The following CCDC7 variants were observed in gnomAD, a reference collection of about 807,000 sequenced individuals.
CCDC7 encodes coiled-coil domain containing 7.
In CCDC7, 183 loss-of-function variants were observed where a neutral mutation model predicts 196.9. The ratio of observed to expected loss-of-function variants is 0.93; its 90% CI spans 0.82 to 1.05. CCDC7 has a LOEUF of 1.05. CCDC7 is among the 50% of genes least tolerant of loss of function. The pLI is 0.00. For synonymous variants in CCDC7, 525 were observed against 484.6 expected (o/e 1.08, Z -1.10); for missense variants, 1,540 against 1,482.2 (o/e 1.04, Z -0.64).
chr10:32,722,343 A>T (rs967232558), intron 25 of CCDC7, among the ~76,000 whole-genome samples: 4 of 152,134 alleles, frequency 2.6e-5, no homozygotes, highest in African/African-American at 9.7e-5. Context: ...GGACCCATGC[A>T]TACTTTGTTA....
intron 8 of CCDC7, among the ~76,000 whole-genome samples, chr10:32,485,638 C>G (rs1284511800): frequency 6.6e-6 from 1 of 152,176 alleles, no homozygotes; most frequent in Non-Finnish European, 1.5e-5. Flanking sequence ...GCATTTAGTG[C>G]TATAAATTTC....
chr10:32,579,266 A>C (rs957806965), intron 16 of CCDC7, among the ~76,000 whole-genome samples: 8 of 151,976 alleles, frequency 5.3e-5, no homozygotes, highest in African/African-American at 1.9e-4. Flanking sequence ...ACAGACTAGC[A>C]TTGCATAGTG....
chr10:32,496,375 T>G (rs2042916762), intron 9 of CCDC7, among the ~76,000 whole-genome samples: 1 of 152,212 alleles, frequency 6.6e-6, no homozygotes, highest in Non-Finnish European at 1.5e-5. Flanking sequence ...TACACTTTAT[T>G]TCTTTCTCTT....
At chr10:32,500,306 C>T (rs1050637687) in intron 9 of CCDC7, among the ~76,000 whole-genome samples, 8 of 151,282 alleles carry the variant, frequency 5.3e-5, no homozygotes, top group African/African-American at 9.7e-5. Context: ...AGCTGCTGGG[C>T]GGAGGGGCTC....
intron 28 of CCDC7, among the ~76,000 whole-genome samples, chr10:32,751,561 A>G (rs1295621166): frequency 1.3e-5 from 2 of 152,188 alleles, no homozygotes; most frequent in Admixed American, 1.3e-4. Flanking sequence ...CATATGTGAT[A>G]TGAGATTGGT....
intron 20 of CCDC7, among the ~76,000 whole-genome samples, chr10:32,643,882 T>C (rs115384320): frequency 2.1e-5 from 3 of 142,738 alleles, no homozygotes; most frequent in African/African-American, 9.0e-5. Flanking sequence ...TTTTCAAAAT[T>C]ATTTTGAAAA....
chr10:32,769,888 C>T (rs1379150044), intron 28 of CCDC7, among the ~76,000 whole-genome samples: 2 of 152,150 alleles, frequency 1.3e-5, no homozygotes, highest in African/African-American at 4.8e-5. Context: ...CATTGATGGG[C>T]ATTTGGGTTT....
chr10:32,469,101 A>G (rs1327936854), intron 5 of CCDC7, among the ~76,000 whole-genome samples: 1 of 152,188 alleles, frequency 6.6e-6, no homozygotes, highest in Non-Finnish European at 1.5e-5. Context: ...CTGTGCCTTT[A>G]TCTTTTTTCC....
intron 28 of CCDC7, among the ~76,000 whole-genome samples, chr10:32,754,977 GC>G (rs1279886001): frequency 6.6e-6 from 1 of 152,082 alleles, no homozygotes; most frequent in Non-Finnish European, 1.5e-5. Flanking sequence ...TATATCCCGC[GC>G]TGGCTTGGAG....
At chr10:32,569,933 G>A (rs968628060) in intron 15 of CCDC7, among the ~76,000 whole-genome samples, 3 of 152,068 alleles carry the variant, frequency 2.0e-5, no homozygotes, top group African/African-American at 7.2e-5. Flanking sequence ...TTCTTTAAAT[G>A]TTAGTAGTTC....
rs1038928745 is a variant in CCDC7 at position 32,562,132 on chromosome 10, C to G, written c.1135-3426C>G. ...GTTGAATCTCTGAATAGACGAATAA[C>G]AGGCTCTGAAATTGTGGCAATAATC... On this transcript the variant is annotated intron_variant, in intron 13 of 41. Transcript: ENST00000639629. Among the ~76,000 whole-genome samples, 105 of 152,284 alleles carry G rather than the reference C, an allele frequency of 6.9e-4. 1 individual carries two copies. In the Middle Eastern group the frequency reaches 0.014, roughly 20 times the overall value.
intron 29 of CCDC7, among the ~76,000 whole-genome samples, chr10:32,796,603 C>T (rs1187757879): frequency 6.6e-6 from 1 of 152,138 alleles, no homozygotes; most frequent in Non-Finnish European, 1.5e-5. Flanking sequence ...AAACATGGAG[C>T]AATGATACTT....
exon 29 of CCDC7, chr10:32,779,038 G>A (rs557709438): frequency 1.0e-4 from 162 of 1,550,132 alleles, no homozygotes; most frequent in Admixed American, 2.5e-4. Flanking sequence ...CAATGTACCC[G>A]TCAATTAGCG....
intron 28 of CCDC7, among the ~76,000 whole-genome samples, chr10:32,765,683 A>G (rs539840975): frequency 2.0e-4 from 30 of 152,160 alleles, no homozygotes; most frequent in African/African-American, 7.2e-4. Flanking sequence ...GATTTCAACC[A>G]CATCCTTCAA....
chr10:32,554,644 G>C (rs2054061366), intron 13 of CCDC7, among the ~76,000 whole-genome samples: 2 of 152,218 alleles, frequency 1.3e-5, no homozygotes, highest in African/African-American at 4.8e-5. Context: ...TGCTTCCGCA[G>C]TTGGGGCACT....
intron 20 of CCDC7, among the ~76,000 whole-genome samples, chr10:32,655,690 C>T (rs968486540): frequency 9.2e-5 from 14 of 152,114 alleles, no homozygotes; most frequent in East Asian, 3.9e-4. Flanking sequence ...CCAAGTAGTG[C>T]GTGCCACCAT....
rs557935302 is a variant in CCDC7, at chr10:32,855,855, A to G, written c.4111+1366A>G. On this transcript the variant is annotated intron_variant, in intron 41 of 41. Transcript: ENST00000639629. ...ACTGCAAAACTACAATAACCAAAACAGTATGGTACTGGCCTAAAGACAAAC... is the reference window on the plus strand; with the variant it reads ...ACTGCAAAACTACAATAACCAAAACGGTATGGTACTGGCCTAAAGACAAAC... Among the ~76,000 whole-genome samples, 5 of 152,328 alleles carry G rather than the reference A, an allele frequency of 3.3e-5. No individual in the cohort carries two copies. The East Asian group carries it at 9.6e-4, about 29-fold the overall frequency.
chr10:32,699,369 C>T (rs1256825472), intron 24 of CCDC7, among the ~76,000 whole-genome samples: 1 of 151,998 alleles, frequency 6.6e-6, no homozygotes, highest in Admixed American at 6.6e-5. Flanking sequence ...TATGTCCCTA[C>T]AAAGGACATG....
intron 21 of CCDC7, among the ~76,000 whole-genome samples, chr10:32,672,553 G>C (rs2140801337): frequency 6.6e-6 from 1 of 152,290 alleles, no homozygotes; most frequent in Middle Eastern, 3.4e-3. Context: ...GCTGATTCTT[G>C]TTTGGAGGAG....
Sources: gnomAD v4.1 joint callset for allele counts (sites outside exome capture counted in the v4.1 genomes callset) on GRCh38, gnomAD v4.1.1 for gene constraint, MANE v1.5 for transcripts, NCBI Gene and HGNC (gene_info 2026-07-23, HGNC 2026-07-21) for gene names.